Variants in SPIDR observed in about 807,000 individuals in gnomAD.
The protein encoded by SPIDR is DNA repair-scaffolding protein.
Under a neutral mutation model 104.6 loss-of-function variants are expected in SPIDR, and 93 were observed. The ratio of observed to expected loss-of-function variants is 0.89; its 90% CI spans 0.75 to 1.06. The LOEUF is 1.06. Ranked by LOEUF, SPIDR falls within the 50% of genes least tolerant of loss-of-function variation. SPIDR has a pLI of 0.00. For synonymous variants in SPIDR, 431 were observed against 416.9 expected (o/e 1.03, Z -0.41); for missense variants, 1,154 against 1,111.2 (o/e 1.04, Z -0.55).
chr8:47,327,391 C>CTT (rs375122007), intron 5 of SPIDR, among the ~76,000 whole-genome samples: 22 of 132,604 alleles, frequency 1.7e-4, no homozygotes, highest in East Asian at 2.1e-4. Context: ...GGTTTTTTCA[C>CTT]TTTTTTTTTT....
In SPIDR at chr8:47,735,673, A is replaced by C. The variant is rs2086178547; in HGVS notation, c.*223A>C. 1.0e-6 allele frequency: 1 copy of C among 976,792 alleles called. No homozygotes were observed. The highest frequency in any genetic ancestry group is 1.5e-6 in the Non-Finnish European group (1 of 686,834). The allele number at this position is 976,792 out of a possible 1,614,324, so 60.5% of individuals were successfully genotyped here. A position where few individuals can be genotyped will look rare whatever the true frequency, so the allele number is the denominator to read the frequency against. On this transcript the variant is annotated 3_prime_UTR_variant, in exon 20 of 20. Transcript: ENST00000297423. The stretch of plus-strand genomic sequence containing the variant: ...ATCTTTTATTTTCTGCAAATTTAGG[A>C]ACATATTTACTCGTTTTCACATTGA...
At chr8:47,527,535 T>G (rs1228213032) in intron 8 of SPIDR, 1 of 152,190 alleles carries the variant, frequency 6.6e-6, no homozygotes, top group Non-Finnish European at 1.5e-5. Context: ...GTAGAGAAAC[T>G]CAAAGATAAC....
At chr8:47,348,381 T>C (rs1361628107) in intron 5 of SPIDR, among the ~76,000 whole-genome samples, 2 of 152,192 alleles carry the variant, frequency 1.3e-5, no homozygotes, top group Non-Finnish European at 2.9e-5. Flanking sequence ...GCCCTTAACA[T>C]TTTTTCCTTC....
chr8:47,335,576 G>A (rs1456433637), intron 5 of SPIDR, among the ~76,000 whole-genome samples: 1 of 152,098 alleles, frequency 6.6e-6, no homozygotes, highest in African/African-American at 2.4e-5. Flanking sequence ...TCAGCCTCCC[G>A]AGTAGCTAGG....
At chr8:47,392,095 C>T (rs539180356) in intron 5 of SPIDR, among the ~76,000 whole-genome samples, 9 of 151,244 alleles carry the variant, frequency 6.0e-5, no homozygotes, top group South Asian at 4.2e-4. Context: ...TAAAACCAAA[C>T]GACATGTAAA....
chr8:47,565,551 C>A (rs1158114582), intron 8 of SPIDR, among the ~76,000 whole-genome samples: 2 of 151,846 alleles, frequency 1.3e-5, no homozygotes, highest in African/African-American at 2.4e-5. Context: ...ATAGTTTATA[C>A]CTTTTAAAAA....
At chr8:47,303,448 T>C (rs1251371974) in intron 5 of SPIDR, among the ~76,000 whole-genome samples, 3 of 152,126 alleles carry the variant, frequency 2.0e-5, no homozygotes, top group Non-Finnish European at 2.9e-5. Context: ...CTGCACCCAG[T>C]GTGCTGCACC....
At chr8:47,388,927 C>G (rs1554649870) in intron 5 of SPIDR, among the ~76,000 whole-genome samples, 2 of 152,142 alleles carry the variant, frequency 1.3e-5, no homozygotes, top group Admixed American at 1.3e-4. Flanking sequence ...GAAATAGGAC[C>G]AGACTGTTGT....
chr8:47,306,962 A>G (rs1329798725), intron 5 of SPIDR, among the ~76,000 whole-genome samples: 1 of 152,120 alleles, frequency 6.6e-6, no homozygotes, highest in Non-Finnish European at 1.5e-5. Flanking sequence ...TTTAATTTTC[A>G]AACTGTGTCT....
intron 8 of SPIDR, chr8:47,511,351 G>A (rs1450191955): frequency 9.1e-7 from 1 of 1,094,070 alleles, no homozygotes. Context: ...CAACACCTAG[G>A]GGGCAGTGCT....
intron 3 of SPIDR, among the ~76,000 whole-genome samples, chr8:47,289,815 A>G (rs1467408299): frequency 6.6e-6 from 1 of 152,236 alleles, no homozygotes; most frequent in Non-Finnish European, 1.5e-5. Context: ...ACAGATGTTC[A>G]TAAGCAGCTT....
At chr8:47,532,575 C>T (rs2086205660) in intron 8 of SPIDR, among the ~76,000 whole-genome samples, 1 of 152,174 alleles carries the variant, frequency 6.6e-6, no homozygotes, top group Non-Finnish European at 1.5e-5. Context: ...GATCAGTTCT[C>T]CAAGATGGCG....
chr8:47,459,993 G>C (rs782320762), intron 8 of SPIDR, among the ~76,000 whole-genome samples: 2 of 151,426 alleles, frequency 1.3e-5, no homozygotes, highest in Non-Finnish European at 3.0e-5. Context: ...ACTGTGGTCT[G>C]AAAGAGTACT....
chr8:47,305,194 G>A (rs1586673839), intron 5 of SPIDR, among the ~76,000 whole-genome samples: 1 of 152,194 alleles, frequency 6.6e-6, no homozygotes, highest in Admixed American at 6.5e-5. Flanking sequence ...AATTTTTCAG[G>A]AAGTGTGAAG....
intron 5 of SPIDR, among the ~76,000 whole-genome samples, chr8:47,302,874 G>T (rs1465560670): frequency 6.6e-6 from 1 of 152,218 alleles, no homozygotes; most frequent in Non-Finnish European, 1.5e-5. Context: ...GTCCCTCCCA[G>T]TTAGGCTACT....
At chr8:47,506,900 T>C (rs1045753133) in intron 8 of SPIDR, among the ~76,000 whole-genome samples, 1 of 152,156 alleles carries the variant, frequency 6.6e-6, no homozygotes, top group Non-Finnish European at 1.5e-5. Flanking sequence ...GACACTCCAC[T>C]GTGTTGGGAA....
intron 10 of SPIDR, among the ~76,000 whole-genome samples, chr8:47,626,902 G>T (rs1227530448): frequency 6.6e-6 from 1 of 152,124 alleles, no homozygotes; most frequent in Admixed American, 6.6e-5. Context: ...ATACCCAAAG[G>T]ATTATAAATC....
chr8:47,547,012 C>A, intron 8 of SPIDR: 1 of 501,826 alleles, frequency 2.0e-6, no homozygotes. Flanking sequence ...TGGGTAATGA[C>A]ACCAGTTCTT....
chr8:47,339,035 A>G (rs2050258943), intron 5 of SPIDR, among the ~76,000 whole-genome samples: 1 of 152,236 alleles, frequency 6.6e-6, no homozygotes, highest in Admixed American at 6.5e-5. Flanking sequence ...CATGAGCAAG[A>G]GGTCACTATT....
Sources: allele counts gnomAD v4.1 joint callset (sites outside exome capture counted in the v4.1 genomes callset), GRCh38; gene constraint gnomAD v4.1.1; transcripts MANE v1.5; gene names NCBI Gene and HGNC (gene_info 2026-07-23, HGNC 2026-07-21).